The following SIN3A variants were observed in gnomAD, a reference collection of about 807,000 sequenced individuals.
SIN3A encodes SIN3 transcription regulator family member A, also known as paired amphipathic helix protein Sin3a.
A neutral mutation model predicts 146.1 loss-of-function variants in SIN3A; 14 were observed. The ratio of observed to expected loss-of-function variants is 0.10; its 90% confidence interval spans 0.06 to 0.15. The LOEUF is 0.15. SIN3A is among the 10% of genes least tolerant of loss of function. The probability of loss-of-function intolerance (pLI) is 1.00; values close to 1 mark genes in which losing one functional copy is unlikely to be tolerated. For missense variants in SIN3A, 1,028 were observed against 1,576.0 expected (o/e 0.65, Z 5.89); for synonymous variants, 572 against 572.0 (o/e 1.00, Z 0.00).
chr15:75,415,479 GC>G, intron 3 of SIN3A: 1 of 203,332 alleles, frequency 4.9e-6, no homozygotes, highest in South Asian at 1.1e-4. Context: ...AGGAGATAGA[GC>G]CAAGGTGAAG....
chr15:75,383,581 T>C (rs1595889818), intron 17 of SIN3A, among the ~76,000 whole-genome samples: 1 of 149,898 alleles, frequency 6.7e-6, no homozygotes, highest in South Asian at 2.1e-4. Flanking sequence ...CAGGCTGGAG[T>C]GCAGTGGCGC....
upstream of SIN3A, among the ~76,000 whole-genome samples, chr15:75,455,239 CT>C (rs1220290980): frequency 6.6e-6 from 1 of 152,108 alleles, no homozygotes; most frequent in Admixed American, 6.5e-5. Context: ...CCCCGGCTCG[CT>C]CGCTAACTCC....
chr15:75,397,416 G>GT (rs1260679689), intron 12 of SIN3A, among the ~76,000 whole-genome samples: 3 of 152,134 alleles, frequency 2.0e-5, no homozygotes, highest in Non-Finnish European at 2.9e-5. Flanking sequence ...TAGAAGTAAT[G>GT]TTTATTACTT....
At chr15:75,433,830 A>G (rs2074056154) in intron 1 of SIN3A, among the ~76,000 whole-genome samples, 1 of 152,024 alleles carries the variant, frequency 6.6e-6, no homozygotes, top group South Asian at 2.1e-4. Flanking sequence ...CAACAAACAA[A>G]CAAACAAACA....
chr15:75,380,401 G>A (rs1448946547), intron 19 of SIN3A, among the ~76,000 whole-genome samples: 1 of 152,162 alleles, frequency 6.6e-6, no homozygotes, highest in Non-Finnish European at 1.5e-5. Context: ...CCCATCCAAA[G>A]TACGGAGGTT....
intron 8 of SIN3A, among the ~76,000 whole-genome samples, chr15:75,407,862 C>T (rs2073545711): frequency 7.8e-6 from 1 of 128,322 alleles, no homozygotes; most frequent in African/African-American, 3.0e-5. Flanking sequence ...CACTGCACTC[C>T]AGCCTGGGCA....
At position 75,372,061 on chromosome 15, in the gene SIN3A, G is replaced by A; in HGVS notation, c.3740C>T (p.Thr1247Ile). 1 of 1,614,134 alleles carries A rather than the reference G, an allele frequency of 6.2e-7. No individual in the cohort carries two copies. The highest frequency in any genetic ancestry group is 8.5e-7 in the Non-Finnish European group (1 of 1,180,028). The change falls in exon 21 of 21, where the codon ACC becomes ATC. Residue 1247 changes from threonine to isoleucine, a missense_variant. Physicochemically the swap from Thr to Ile is moderately conservative, Grantham distance 89. Around this residue, in one of 9 missense-constraint regions of SIN3A, gnomAD observed 488 missense variants for 690.2 expected, o/e 0.71. Coordinates refer to ENST00000394947, the MANE Select transcript of SIN3A (RefSeq NM_001145358.2). Reference protein sequence around the residue: ...EGLEGLVPCTTTCDTETLHFV... With the variant: ...EGLEGLVPCTITCDTETLHFV... ...ATGCAGGGTCTCTGTATCACAGGTG[G>A]TGGTACAGGGCACCAGGCCCTCCAG...
At chr15:75,381,388 G>A (rs1295835530) in intron 18 of SIN3A, among the ~76,000 whole-genome samples, 1 of 152,158 alleles carries the variant, frequency 6.6e-6, no homozygotes, top group Admixed American at 6.6e-5. Context: ...TTCCTTAGAG[G>A]AGATAGCTTT....
intron 1 of SIN3A, among the ~76,000 whole-genome samples, chr15:75,451,054 G>A (rs894386579): frequency 1.4e-5 from 2 of 141,040 alleles, no homozygotes; most frequent in Admixed American, 7.3e-5. Context: ...GCCAGAGCGC[G>A]GCCGCCAGCC....
At position 75,430,253 on chromosome 15, in the gene SIN3A, A is replaced by AT; in HGVS notation, c.122dup (p.Tyr41Ter). 6.2e-7 allele frequency: 1 copy of AT among 1,614,160 alleles called. No individual in the cohort carries two copies. The highest frequency in any genetic ancestry group is 8.5e-7 in the Non-Finnish European group (1 of 1,180,036). ...HRVLAPAPPV[Y>*]EAVSETMQSA... The stretch of plus-strand genomic sequence containing the variant: ...ACTGCATGGTCTCAGACACTGCTTC[A>AT]TACACAGGAGGGGCAGGGGCAAGCA... Residue 41 changes from tyrosine to a stop codon, truncating the protein, a stop_gained and frameshift_variant, in exon 2 of 21, where the codon TAT becomes TAAT. Transcript: ENST00000394947. LOFTEE classifies it high-confidence loss of function.
chr15:75,407,033 A>T lies in SIN3A; in HGVS notation c.1407+22T>A, dbSNP rs758553081. ...TTTTGGCATTAACAGGCACTATCAAATCTAACTCATCCATTACTCACCTTA... is the reference window on the plus strand; with the variant it reads ...TTTTGGCATTAACAGGCACTATCAATTCTAACTCATCCATTACTCACCTTA... On this transcript the variant is annotated intron_variant, in intron 9 of 20. Transcript: ENST00000394947. 3.9e-6 allele frequency: 6 copies of T among 1,549,436 alleles called. 1 individual carries two copies. The South Asian group carries it at 6.8e-5, about 18-fold the overall frequency.
At chr15:75,408,054 CA>C (rs1179714069) in intron 8 of SIN3A, among the ~76,000 whole-genome samples, 1 of 152,096 alleles carries the variant, frequency 6.6e-6, no homozygotes, top group Admixed American at 6.6e-5. Context: ...AAGAAATGCA[CA>C]AACTTTGTGA....
chr15:75,426,572 T>A (rs754030567), intron 2 of SIN3A, among the ~76,000 whole-genome samples: 1 of 152,176 alleles, frequency 6.6e-6, no homozygotes, highest in South Asian at 2.1e-4. Context: ...ATATCCACTA[T>A]ATATTAAATG....
At chr15:75,425,364 T>C (rs1231174636) in intron 2 of SIN3A, among the ~76,000 whole-genome samples, 1 of 152,068 alleles carries the variant, frequency 6.6e-6, no homozygotes, top group Non-Finnish European at 1.5e-5. Context: ...AGAGACAGGG[T>C]TTCACCCTGG....
intron 9 of SIN3A, among the ~76,000 whole-genome samples, chr15:75,403,320 C>T (rs2073447438): frequency 6.6e-6 from 1 of 151,586 alleles, no homozygotes; most frequent in South Asian, 2.1e-4. Flanking sequence ...GTCCCAGTGA[C>T]TCAGGAGGCT....
intron 20 of SIN3A, 90 bp downstream of exon 20, chr15:75,375,575 A>C: frequency 9.8e-7 from 1 of 1,022,114 alleles, no homozygotes; most frequent in Non-Finnish European, 1.5e-6. Flanking sequence ...GTTTGCATAA[A>C]CAAAGAAAAA....
intron 19 of SIN3A, among the ~76,000 whole-genome samples, chr15:75,378,398 C>T (rs2072904984): frequency 6.6e-6 from 1 of 152,124 alleles, no homozygotes; most frequent in Non-Finnish European, 1.5e-5. Context: ...AATCCCATCT[C>T]TACTAAAAAT....
At chr15:75,440,996 A>G (rs1403870129) in intron 1 of SIN3A, among the ~76,000 whole-genome samples, 1 of 151,038 alleles carries the variant, frequency 6.6e-6, no homozygotes, top group African/African-American at 2.4e-5. Flanking sequence ...AAAAAAAAAA[A>G]AAAAAAGAAC....
Position 75,392,784 on chromosome 15 carries a change from C to T in SIN3A, c.2309G>A (p.Gly770Asp). 1 of 1,613,252 alleles carries T rather than the reference C, an allele frequency of 6.2e-7. No homozygotes were observed. Among genetic ancestry groups the T allele is most frequent in the Non-Finnish European group, 8.5e-7 (1 of 1,179,688 alleles). The change falls in exon 15 of 21, where the codon GGT (glycine) becomes GAT (aspartate). Residue 770 changes from glycine (G) to aspartate (D), a missense_variant. Coordinates refer to ENST00000394947, the MANE Select transcript of SIN3A (RefSeq NM_001145358.2). ...RQEQATEENA[G>D]VPVGPHLSLA... The stretch of plus-strand genomic sequence containing the variant: ...TGAGAGGTGTGGGCCAACAGGTACA[C>T]CAGCATTCTCCTCCGTAGCCTGCTC...
Sources: allele counts gnomAD v4.1 joint callset (sites outside exome capture counted in the v4.1 genomes callset), GRCh38; gene constraint gnomAD v4.1.1; regional missense constraint gnomAD v4.1.1; transcripts MANE v1.5; gene names NCBI Gene and HGNC (gene_info 2026-07-23, HGNC 2026-07-21).